The following NRAP variants were observed in gnomAD, a reference collection of about 807,000 sequenced individuals.
NRAP encodes the protein nebulin related anchoring protein.
A neutral mutation model predicts 225.9 loss-of-function variants in NRAP; 189 were observed. That is an observed-to-expected ratio of 0.84 (90% CI 0.74 to 0.94). The LOEUF is 0.94. Ranked by LOEUF, NRAP falls within the 40% of genes least tolerant of loss-of-function variation. The pLI, the probability that NRAP is intolerant of heterozygous loss-of-function variation, is 0.00. For synonymous variants in NRAP, 769 were observed against 790.7 expected (o/e 0.97, Z 0.46); for missense variants, 2,176 against 2,168.7 (o/e 1.00, Z -0.07).
chr10:113,626,141 T>C lies in NRAP; in HGVS notation c.2150A>G (p.Asn717Ser), dbSNP rs1848280201. The C allele has an allele frequency of 1.2e-6, 2 of 1,600,950 alleles. No individual in the cohort carries two copies. The highest frequency in any genetic ancestry group is 1.7e-4 in the Middle Eastern group (1 of 6,050). The change falls in exon 21 of 42, where the codon AAC becomes AGC. Residue 717 changes from asparagine to serine, a missense_variant. Physicochemically the swap from Asn to Ser is conservative, Grantham distance 46. Transcript: ENST00000359988. ...CAGCTCATCGACCCTCTGCCGGTAG[T>C]TTTTCTGTTTCCAAAGGAAAGGGAC... is the stretch of plus-strand genomic sequence containing the variant. The part of the protein sequence containing the change: ...KKAGQLVSEK[N>S]YRQRVDELKF...
Position 113,590,669 on chromosome 10 carries a change from A to ACAT in NRAP, c.4862_4864dup (p.Asp1621dup), listed in dbSNP as rs748687061. The ACAT allele has an allele frequency of 2.5e-6, 4 of 1,614,054 alleles. No individual in the cohort carries two copies. The highest frequency in any genetic ancestry group is 3.4e-6 in the Non-Finnish European group (4 of 1,180,038). The stretch of plus-strand genomic sequence containing the variant: ...CTGGGGCAGGGGCTGCCTGTAGTGC[A>ACAT]CATCACTGGCCAGCTGCTGGCTCCT... On this transcript the variant is annotated inframe_insertion, in exon 40 of 42. Coordinates refer to ENST00000359988, the MANE Select transcript of NRAP (RefSeq NM_198060.4).
Position 113,589,075 on chromosome 10 carries a change from C to T in NRAP, c.5093G>A (p.Gly1698Glu). Residue 1698 changes from glycine (G) to glutamate (E), a missense_variant, in exon 42 of 42, where the codon GGG becomes GAG. Transcript: ENST00000359988. ...ATCTCCAGCCTCCACTGCTTCTGCC[C>T]CCCGCTGCTGAAATCAAACATACCC... ...RGLGLQGAYR[G>E]AEAVEAGDHQ... The T allele has an allele frequency of 6.2e-7, 1 of 1,613,594 alleles. No homozygotes were observed. Among genetic ancestry groups the T allele is most frequent in the Non-Finnish European group, 8.5e-7 (1 of 1,179,752 alleles).
intron 23 of NRAP, 150 bp from the exon 24 acceptor site, chr10:113,622,330 G>A (rs1435475209): frequency 8.3e-6 from 5 of 602,250 alleles, no homozygotes; most frequent in South Asian, 6.6e-5. Flanking sequence ...TTGAGCATCC[G>A]ATACATTTTC....
Position 113,624,903 on chromosome 10 carries a change from A to G in NRAP, c.2272T>C (p.Ser758Pro). 1.2e-6 allele frequency: 2 copies of G among 1,614,008 alleles called. No individual in the cohort carries two copies. The highest frequency in any genetic ancestry group is 1.7e-6 in the Non-Finnish European group (2 of 1,179,912). Residue 758 changes from serine (S) to proline (P), a missense_variant, in exon 22 of 42, where the codon TCT (serine) becomes CCT (proline). This residue lies in a region of NRAP where 1,708 missense variants were observed against 1,695.5 expected (regional missense o/e 1.01). Coordinates refer to ENST00000359988, the MANE Select transcript of NRAP (RefSeq NM_198060.4). ...GVAYKAGNEQ[S>P]VHQYTISKDE... ...TTGCTGATGGTATACTGATGGACAG[A>G]CTGCTCATTTCCTGCCTTGTAGGCC...
intron 35 of NRAP, among the ~76,000 whole-genome samples, chr10:113,603,959 T>C (rs1220678317): frequency 6.6e-6 from 1 of 152,228 alleles, no homozygotes; most frequent in African/African-American, 2.4e-5. Context: ...CCATAGCATG[T>C]ACAACCATTG....
chr10:113,630,268 T>C lies in NRAP; in HGVS notation c.1843-483A>G, dbSNP rs528562464. On this transcript the variant is annotated intron_variant, in intron 18 of 41. Transcript: ENST00000359988. ...CATGCTTAGTACAGGGACTGTCACATAGCAAATACTTGATAAATATTCGCA... is the reference window on the plus strand; with the variant it reads ...CATGCTTAGTACAGGGACTGTCACACAGCAAATACTTGATAAATATTCGCA... Among the ~76,000 whole-genome samples, 21 of 152,300 alleles carry C rather than the reference T, an allele frequency of 1.4e-4. No homozygotes were observed. In the East Asian group the frequency reaches 3.9e-3, roughly 28 times the overall value.
intron 35 of NRAP, among the ~76,000 whole-genome samples, chr10:113,603,840 C>A (rs566270697): frequency 5.4e-4 from 82 of 152,298 alleles, no homozygotes; most frequent in African/African-American, 1.9e-3. Flanking sequence ...ATCAACTTTT[C>A]AATGAGAACT....
At chr10:113,592,401 C>A in intron 38 of NRAP, 100 bp from the exon 39 acceptor site, 1 of 712,098 alleles carries the variant, frequency 1.4e-6, no homozygotes, top group South Asian at 2.0e-5. Flanking sequence ...TTTGTTGGTT[C>A]CTAGGACGGC....
intron 17 of NRAP, 93 bp downstream of exon 17, chr10:113,631,764 A>T: frequency 1.1e-6 from 1 of 919,534 alleles, no homozygotes; most frequent in Admixed American, 1.9e-5. Context: ...CGATGTTTAC[A>T]ATGTTAAGAG....
chr10:113,632,144 G>A (rs1848616087), intron 16 of NRAP, among the ~76,000 whole-genome samples, 180 bp from the exon 17 acceptor site: 2 of 152,194 alleles, frequency 1.3e-5, no homozygotes, highest in African/African-American at 4.8e-5. Flanking sequence ...CTGTAGAGCT[G>A]TGCAGGCCAG....
At chr10:113,610,676 T>A in intron 30 of NRAP, 113 bp from the exon 31 acceptor site, 1 of 663,584 alleles carries the variant, frequency 1.5e-6, no homozygotes, top group South Asian at 1.7e-5. Context: ...TAATTAGAAC[T>A]CAAGGCTGAA....
At chr10:113,589,907 G>A in intron 40 of NRAP, 110 bp from the exon 41 acceptor site, 2 of 1,255,264 alleles carry the variant, frequency 1.6e-6, no homozygotes, top group East Asian at 2.4e-5. Flanking sequence ...TATGTTGTCT[G>A]TCATCAGTAA....
rs1298915241 is a variant in NRAP at position 113,629,631 on chromosome 10, A to G, written c.1997T>C (p.Met666Thr). The change falls in exon 19 of 42, where the codon ATG (methionine) becomes ACG (threonine). Residue 666 changes from methionine to threonine, a missense_variant. Physicochemically the swap from Met to Thr is moderately conservative, Grantham distance 81. This residue lies in a region of NRAP where 1,708 missense variants were observed against 1,695.5 expected (regional missense o/e 1.01). Transcript: ENST00000359988. The stretch of plus-strand genomic sequence containing the variant: ...GGCCTTCTTGGCCCACTGAGTCTTC[A>G]TATCTTCAGGCAGCACAGTGTATTC... ...LHEYTVLPED[M>T]KTQWAKKAYG... is the part of the protein sequence containing the mutation. The G allele has an allele frequency of 2.5e-6, 4 of 1,614,058 alleles. No homozygotes were observed. The highest frequency in any genetic ancestry group is 1.6e-4 in the Middle Eastern group (1 of 6,062).
intron 9 of NRAP, among the ~76,000 whole-genome samples, chr10:113,649,814 A>G (rs1195605121): frequency 6.6e-6 from 1 of 152,192 alleles, no homozygotes; most frequent in Non-Finnish European, 1.5e-5. Flanking sequence ...GTCATTTATT[A>G]ATTTAAAAAA....
chr10:113,649,083 C>T (rs1849773422), intron 9 of NRAP, among the ~76,000 whole-genome samples: 1 of 152,166 alleles, frequency 6.6e-6, no homozygotes, highest in South Asian at 2.1e-4. Flanking sequence ...TAAAAGACCA[C>T]TTAATTAACT....
Position 113,601,153 on chromosome 10 carries a change from T to A in NRAP, c.4228-3080A>T, listed in dbSNP as rs139578614. 5.2e-4 allele frequency among the ~76,000 whole-genome samples: 79 copies of A among 152,270 alleles called. 1 individual carries two copies. In the Middle Eastern group the frequency reaches 0.01, roughly 20 times the overall value. On this transcript the variant is annotated intron_variant, in intron 35 of 41. Transcript: ENST00000359988. ...AGCTTGCCTGGACCAGGCATGCATC[T>A]CAGGTGAATTTCTGAGTCAAGCAAG...
At chr10:113,650,662 C>T (rs1849903356) in intron 7 of NRAP, 117 bp from the exon 8 acceptor site, 2 of 716,002 alleles carry the variant, frequency 2.8e-6, no homozygotes, top group South Asian at 1.6e-5. Context: ...TCATAAGGCA[C>T]ATAATTGGCT....
chr10:113,656,262 T>G (rs1163668020), intron 4 of NRAP, among the ~76,000 whole-genome samples: 1 of 152,242 alleles, frequency 6.6e-6, no homozygotes, highest in Non-Finnish European at 1.5e-5. Flanking sequence ...AGTTAATAAC[T>G]CTTTAAATCA....
intron 32 of NRAP, 73 bp from the exon 33 acceptor site, chr10:113,606,355 T>G (rs1846967715): frequency 1.2e-5 from 11 of 911,044 alleles, no homozygotes; most frequent in Middle Eastern, 2.9e-4. Context: ...TGGAAGTCCC[T>G]CAACGATAGT....
Sources: allele counts gnomAD v4.1 joint callset (sites outside exome capture counted in the v4.1 genomes callset), GRCh38; gene constraint gnomAD v4.1.1; regional missense constraint gnomAD v4.1.1; transcripts MANE v1.5; gene names NCBI Gene and HGNC (gene_info 2026-07-23, HGNC 2026-07-21).